The following GABPA variants were observed in gnomAD, a reference collection of about 807,000 sequenced individuals.
The protein encoded by GABPA is GA-binding protein alpha chain.
In GABPA, 4 loss-of-function variants were observed where a neutral mutation model predicts 59.4. The ratio of observed to expected loss-of-function variants is 0.07; its 90% CI spans 0.03 to 0.15. The LOEUF is 0.15. GABPA is among the 10% of genes least tolerant of loss of function. GABPA has a pLI of 1.00. For missense variants in GABPA, 251 were observed against 543.8 expected, an observed-to-expected ratio of 0.46 and a Z score of 5.36; for synonymous variants, 164 against 183.1, an observed-to-expected ratio of 0.90 and a Z score of 0.84.
chr21:25,766,757 G>T (rs71651647), intron 9 of GABPA, among the ~76,000 whole-genome samples: 8 of 151,974 alleles, frequency 5.3e-5, no homozygotes, highest in Admixed American at 4.6e-4. Flanking sequence ...AATGTAAATT[G>T]TAACAGTTGC....
At chr21:25,768,886 A>G in intron 9 of GABPA, 118 bp from the exon 10 acceptor site, 1 of 649,012 alleles carries the variant, frequency 1.5e-6, no homozygotes, top group South Asian at 1.9e-5. Flanking sequence ...TTCAATATTA[A>G]TTGCTATTGT....
At chr21:25,752,344 A>G in intron 5 of GABPA, 110 bp downstream of exon 5, 4 of 1,125,940 alleles carry the variant, frequency 3.6e-6, no homozygotes, top group South Asian at 3.2e-5. Flanking sequence ...ATTAGGATGA[A>G]TGTTGATTTT....
chr21:25,739,207 C>T (rs1378839253), intron 1 of GABPA, among the ~76,000 whole-genome samples: 2 of 152,172 alleles, frequency 1.3e-5, no homozygotes, highest in East Asian at 3.8e-4. Flanking sequence ...GATTTGGGTG[C>T]CAGCTATTTG....
At chr21:25,743,241 G>C (rs532540802) in intron 2 of GABPA, among the ~76,000 whole-genome samples, 1 of 152,324 alleles carries the variant, frequency 6.6e-6, no homozygotes, top group East Asian at 1.9e-4. Flanking sequence ...GAAAGCCCCA[G>C]TGTCTTTTTT....
rs1440121192 is a variant in GABPA at position 25,744,296 on chromosome 21, G to A, written c.78-914G>A. ...CAGTTGAGCTCAGGAGTTTGAGGCC[G>A]GCCTGGTGTGAACATAGGGAGACTC... On this transcript the variant is annotated intron_variant, in intron 2 of 9. Coordinates refer to ENST00000400075, the MANE Select transcript of GABPA (RefSeq NM_002040.4). Among the ~76,000 whole-genome samples, 4 of 151,804 alleles carry A rather than the reference G, an allele frequency of 2.6e-5. 1 individual carries two copies. In the South Asian group the frequency reaches 6.2e-4, roughly 24 times the overall value.
chr21:25,738,731 G>C (rs758986013), intron 1 of GABPA, among the ~76,000 whole-genome samples: 13 of 152,128 alleles, frequency 8.5e-5, no homozygotes, highest in Admixed American at 3.9e-4. Context: ...GTACTCTTCA[G>C]AGTACTTTGT....
In GABPA at chr21:25,772,226, A is replaced by T. The variant is rs1307014444; in HGVS notation, c.*2994A>T. 6.6e-6 allele frequency: 1 copy of T among 152,110 alleles called. No homozygotes were observed. Among genetic ancestry groups the T allele is most frequent in the African/African-American group, 2.4e-5 (1 of 41,452 alleles). The allele number at this position is 152,110 out of a possible 1,614,324, so 9.4% of individuals were successfully genotyped here. ...TTCAATATTTCACTTGCTGCCAGGAAAAACAAAATTCTCAATCTTTTGTAA... is the reference window on the plus strand; with the variant it reads ...TTCAATATTTCACTTGCTGCCAGGATAAACAAAATTCTCAATCTTTTGTAA... On this transcript the variant is annotated 3_prime_UTR_variant, in exon 10 of 10. Transcript: ENST00000400075.
In GABPA at chr21:25,771,088, T is replaced by C. The variant is rs2036000455; in HGVS notation, c.*1856T>C. On this transcript the variant is annotated 3_prime_UTR_variant, in exon 10 of 10. Transcript: ENST00000400075. ...CAAGAAAGGTTTTGCACCATCCTCT[T>C]ACGGCCTAGAGAGTTGACAAGTTGC... 6.6e-6 allele frequency: 1 copy of C among 151,972 alleles called. No individual in the cohort carries two copies. Among genetic ancestry groups the C allele is most frequent in the South Asian group, 2.1e-4 (1 of 4,826 alleles). The allele number at this position is 151,972 out of a possible 1,614,324, so 9.4% of individuals were successfully genotyped here.
At chr21:25,750,333 G>A (rs2035478183) in intron 4 of GABPA, among the ~76,000 whole-genome samples, 1 of 152,144 alleles carries the variant, frequency 6.6e-6, no homozygotes, top group African/African-American at 2.4e-5. Flanking sequence ...CTGTGGCCTG[G>A]GGTTTGGGGA....
rs1428562113 is a variant in GABPA, at chr21:25,770,357, T to A, written c.*1125T>A. Reference sequence around the variant, plus strand: ...TTCAGTTGATCATTTTATAAACATATGAAGGCATAAAGATATACAGAAGAA... The same window carrying A: ...TTCAGTTGATCATTTTATAAACATAAGAAGGCATAAAGATATACAGAAGAA... On this transcript the variant is annotated 3_prime_UTR_variant, in exon 10 of 10. Coordinates refer to ENST00000400075, the MANE Select transcript of GABPA (RefSeq NM_002040.4). 6.6e-6 allele frequency: 1 copy of A among 152,148 alleles called. No homozygotes were observed. The highest frequency in any genetic ancestry group is 2.4e-5 in the African/African-American group (1 of 41,460). 9.4% of individuals were successfully genotyped at this position (152,148 alleles called of 1,614,324 possible). A position where few individuals can be genotyped will look rare whatever the true frequency, so the allele number is the denominator to read the frequency against.
At chr21:25,765,263 A>ACTAC (rs1463451824) in intron 9 of GABPA, among the ~76,000 whole-genome samples, 11 of 152,048 alleles carry the variant, frequency 7.2e-5, no homozygotes, top group Admixed American at 3.3e-4. Flanking sequence ...AATTATGCCT[A>ACTAC]CTACAGTGAT....
chr21:25,735,965 G>A (rs1372444679), intron 1 of GABPA, among the ~76,000 whole-genome samples: 2 of 152,156 alleles, frequency 1.3e-5, no homozygotes, highest in Non-Finnish European at 2.9e-5. Flanking sequence ...GATTTTAAGA[G>A]CAAAATGCAG....
Position 25,769,080 on chromosome 21 carries a change from A to G in GABPA, c.1213A>G (p.Thr405Ala). The G allele has an allele frequency of 6.2e-7, 1 of 1,613,454 alleles. No individual in the cohort carries two copies. The highest frequency in any genetic ancestry group is 8.5e-7 in the Non-Finnish European group (1 of 1,179,494). Residue 405 changes from threonine (T) to alanine (A), a missense_variant, in exon 10 of 10, where the codon ACT (threonine) becomes GCT (alanine). Physicochemically the swap from Thr to Ala is moderately conservative, Grantham distance 58. Transcript: ENST00000400075. Reference sequence around the variant, plus strand: ...GTACAAGTTTGTCTGTGACTTGAAGACTCTTATTGGATACAGTGCAGCGGA... The same window carrying G: ...GTACAAGTTTGTCTGTGACTTGAAGGCTCTTATTGGATACAGTGCAGCGGA... ...FVYKFVCDLK[T>A]LIGYSAAELN...
chr21:25,763,623 T>C (rs1299658054), intron 7 of GABPA, among the ~76,000 whole-genome samples: 1 of 152,222 alleles, frequency 6.6e-6, no homozygotes, highest in Non-Finnish European at 1.5e-5. Context: ...ACATTGTTTG[T>C]AAAATAATAC....
At chr21:25,759,412 G>A (rs1262883840) in intron 6 of GABPA, among the ~76,000 whole-genome samples, 1 of 152,098 alleles carries the variant, frequency 6.6e-6, no homozygotes, top group Non-Finnish European at 1.5e-5. Flanking sequence ...TTTCATTCAA[G>A]GTGCTTTCTC....
chr21:25,747,324 T>G (rs1343520208), intron 3 of GABPA, among the ~76,000 whole-genome samples: 1 of 152,208 alleles, frequency 6.6e-6, no homozygotes, highest in Non-Finnish European at 1.5e-5. Context: ...GCTGTAACAT[T>G]TATTGCTTTC....
intron 5 of GABPA, among the ~76,000 whole-genome samples, chr21:25,755,807 T>A (rs2829892): frequency 0.29 from 44,415 of 152,060 alleles, 8,581 homozygotes; most frequent in African/African-American, 0.55. Flanking sequence ...ACTTTAAATC[T>A]GTCTCCTTAT....
At chr21:25,762,095 C>T (rs781512731) in intron 6 of GABPA, among the ~76,000 whole-genome samples, 2 of 152,048 alleles carry the variant, frequency 1.3e-5, no homozygotes, top group Non-Finnish European at 2.9e-5. Flanking sequence ...GACATTGGAG[C>T]TTTTCCCTGT....
intron 5 of GABPA, among the ~76,000 whole-genome samples, chr21:25,753,275 G>A (rs751034203): frequency 2.6e-5 from 4 of 152,088 alleles, no homozygotes; most frequent in Non-Finnish European, 4.4e-5. Flanking sequence ...TCAGCTGGAG[G>A]TTAGCCAGAA....
Sources: gnomAD v4.1 joint callset for allele counts (sites outside exome capture counted in the v4.1 genomes callset) on GRCh38, gnomAD v4.1.1 for gene constraint, MANE v1.5 for transcripts, NCBI Gene and HGNC (gene_info 2026-07-23, HGNC 2026-07-21) for gene names.